The following ASAH1 variants were observed in gnomAD, a reference collection of about 807,000 sequenced individuals.
ASAH1 encodes the protein N-acylsphingosine amidohydrolase 1.
In ASAH1, 70 loss-of-function variants were observed where a neutral mutation model predicts 59.5. The observed-to-expected ratio is 1.18, with a 90% confidence interval of 0.97 to 1.43. The LOEUF is 1.43. Ranked by LOEUF, ASAH1 falls within the 40% of genes most tolerant of loss-of-function variation. The probability of loss-of-function intolerance (pLI) is 0.00; values close to 1 mark genes in which losing one functional copy is unlikely to be tolerated. For synonymous variants in ASAH1, 213 were observed against 166.5 expected (o/e 1.28, Z -2.15); for missense variants, 660 against 482.5 (o/e 1.37, Z -3.45).
At chr8:18,059,740 T>C (rs1799615359) in intron 10 of ASAH1, 37 bp from the exon 11 acceptor site, 1 of 1,545,260 alleles carries the variant, frequency 6.5e-7, no homozygotes, top group South Asian at 1.2e-5. Flanking sequence ...ATGAAACTTT[T>C]TTTTAATTTT....
At chr8:18,071,211 C>CAA (rs139226692) in intron 3 of ASAH1, 89 bp downstream of exon 3, 386 of 697,826 alleles carry the variant, frequency 5.5e-4, no homozygotes, top group African/African-American at 5.0e-3. Flanking sequence ...TGTCTCAAAA[C>CAA]AAAAAAAAAA....
At position 18,074,967 on chromosome 8, in the gene ASAH1, G is replaced by C. The variant is rs200232519; in HGVS notation, c.125+574C>G. Among the ~76,000 whole-genome samples, 4 of 152,018 alleles carry C rather than the reference G, an allele frequency of 2.6e-5. No individual in the cohort carries two copies. In the East Asian group the frequency reaches 5.8e-4, roughly 22 times the overall value. ...AAGATGAGAAAAACCCTTCATGGTA[G>C]ACAGGAGAATTGAGTGGAGAATGAA... On this transcript the variant is annotated intron_variant, in intron 2 of 13. Transcript: ENST00000637790.
At chr8:18,075,041 A>G (rs376799247) in intron 2 of ASAH1, among the ~76,000 whole-genome samples, 3,554 of 132,354 alleles carry the variant, frequency 0.027, 134 homozygotes, top group African/African-American at 0.055. Flanking sequence ...TGTCGCCCAG[A>G]CTGGAGTGCA....
At chr8:18,064,138 C>A in intron 6 of ASAH1, 1 of 502,242 alleles carries the variant, frequency 2.0e-6, no homozygotes, top group Non-Finnish European at 3.5e-6. Context: ...GATAAGGAAG[C>A]ACCTCCTGCG....
intron 2 of ASAH1, 118 bp downstream of exon 2, chr8:18,075,423 G>A (rs1393195065): frequency 1.0e-5 from 11 of 1,100,366 alleles, no homozygotes; most frequent in Non-Finnish European, 1.5e-5. Context: ...CCTCTGTCTC[G>A]GAATGGGAAA....
At position 18,081,530 on chromosome 8, in the gene ASAH1, G is replaced by A. The variant is rs1038247808; in HGVS notation, c.78+2451C>T. 3.3e-5 allele frequency among the ~76,000 whole-genome samples: 5 copies of A among 152,222 alleles called. No homozygotes were observed. The East Asian group carries it at 7.7e-4, about 24-fold the overall frequency. On this transcript the variant is annotated intron_variant, in intron 1 of 13. Transcript: ENST00000637790. Reference sequence around the variant, plus strand: ...AGAACCCTGGATGATGTCATCTGGCGCTATCTCTCCAGACATTTCTTGTGC... The same window carrying A: ...AGAACCCTGGATGATGTCATCTGGCACTATCTCTCCAGACATTTCTTGTGC...
Position 18,059,671 on chromosome 8 carries a change from G to C in ASAH1, c.818C>G (p.Thr273Ser), listed in dbSNP as rs1447494135. ...AAAGTAGGCTGGGGCCAATATCTTG[G>C]TCTTGGTCAATAAATTCTTGGCTTC... The part of the protein sequence containing the change: ...YEEAKNLLTK[T>S]KILAPAYFIL... The change falls in exon 11 of 14, where the codon ACC (threonine) becomes AGC (serine). Residue 273 changes from threonine (T) to serine (S), a missense_variant. Transcript: ENST00000637790. 1.3e-5 allele frequency: 21 copies of C among 1,613,982 alleles called. No individual in the cohort carries two copies. The East Asian group carries it at 4.5e-4, about 34-fold the overall frequency.
chr8:18,073,097 G>C lies in ASAH1; in HGVS notation c.126-1707C>G, dbSNP rs149234355. ...TCTACCATCAAACCTGCACTAATTA[G>C]AATTTGAGAGAACTGGTTAATCTAA... is the stretch of plus-strand genomic sequence containing the variant. On this transcript the variant is annotated intron_variant, in intron 2 of 13. Coordinates refer to ENST00000637790, the MANE Select transcript of ASAH1 (RefSeq NM_177924.5). 1.4e-4 allele frequency among the ~76,000 whole-genome samples: 22 copies of C among 152,236 alleles called. No individual in the cohort carries two copies. The highest frequency in any genetic ancestry group is 2.9e-4 in the Non-Finnish European group (20 of 68,004).
At chr8:18,084,791 C>T, upstream of ASAH1, 1 of 1,613,554 alleles carries the variant, frequency 6.2e-7, no homozygotes, top group Non-Finnish European at 8.5e-7. Flanking sequence ...CAGCCCGATG[C>T]AGCAGTTCAT....
At chr8:18,065,882 T>TTGCG (rs1799908443) in intron 5 of ASAH1, 1 of 143,542 alleles carries the variant, frequency 7.0e-6, no homozygotes, top group Non-Finnish European at 1.5e-5. Context: ...CAGATACACA[T>TTGCG]TGTGTGTGTG....
chr8:18,065,210 T>A (rs1014581314), intron 5 of ASAH1: 1 of 151,492 alleles, frequency 6.6e-6, no homozygotes, highest in African/African-American at 2.4e-5. Flanking sequence ...TAATTTATAA[T>A]AATTATATAA....
chr8:18,067,350 T>A, intron 4 of ASAH1, 52 bp from the exon 5 acceptor site: 2 of 1,086,090 alleles, frequency 1.8e-6, no homozygotes, highest in South Asian at 2.5e-5. Context: ...CAATAAAAAA[T>A]ATATAATATA....
chr8:18,081,681 A>G (rs1455336792), intron 1 of ASAH1, among the ~76,000 whole-genome samples: 2 of 152,236 alleles, frequency 1.3e-5, no homozygotes, highest in South Asian at 2.1e-4. Flanking sequence ...AAATCCTTAC[A>G]GATGTTCTAA....
chr8:18,059,048 G>C, intron 12 of ASAH1, 157 bp from the exon 13 acceptor site: 2 of 712,674 alleles, frequency 2.8e-6, no homozygotes, highest in Non-Finnish European at 4.7e-6. Context: ...TAGAAACACA[G>C]GTAACAGTTT....
intron 1 of ASAH1, among the ~76,000 whole-genome samples, chr8:18,078,708 C>G (rs1800517915): frequency 6.6e-6 from 1 of 152,108 alleles, no homozygotes; most frequent in Non-Finnish European, 1.5e-5. Flanking sequence ...AGTTTAATAA[C>G]AGACAACTCT....
intron 7 of ASAH1, 40 bp downstream of exon 7, chr8:18,063,145 G>A: frequency 6.2e-7 from 1 of 1,602,860 alleles, no homozygotes; most frequent in South Asian, 1.1e-5. Context: ...TGGGATTACA[G>A]GCGTGAACCA....
At chr8:18,065,152 A>G (rs1478806825) in intron 5 of ASAH1, 1 of 151,900 alleles carries the variant, frequency 6.6e-6, no homozygotes, top group African/African-American at 2.4e-5. Context: ...TATTTCCATT[A>G]AATTTCTAAT....
chr8:18,061,801 G>T, intron 8 of ASAH1, 61 bp from the exon 9 acceptor site: 2 of 1,452,640 alleles, frequency 1.4e-6, no homozygotes, highest in Non-Finnish European at 9.5e-7. Context: ...AGGCCCTGTC[G>T]CTCACTGTAC....
chr8:18,071,192 G>C (rs1244116248), intron 3 of ASAH1, 108 bp downstream of exon 3: 4 of 538,926 alleles, frequency 7.4e-6, no homozygotes, highest in African/African-American at 4.1e-5. Flanking sequence ...GGGTGACAGA[G>C]TGAGACTCTG....
Sources: allele counts gnomAD v4.1 joint callset (sites outside exome capture counted in the v4.1 genomes callset), GRCh38; gene constraint gnomAD v4.1.1; transcripts MANE v1.5; gene names NCBI Gene and HGNC (gene_info 2026-07-23, HGNC 2026-07-21).